The following CNTNAP2 variants were observed in gnomAD, a reference collection of about 807,000 sequenced individuals.
The protein encoded by CNTNAP2 is contactin-associated protein-like 2.
A neutral mutation model predicts 155.2 loss-of-function variants in CNTNAP2; 98 were observed. That is an observed-to-expected ratio of 0.63 (90% confidence interval 0.54 to 0.75). The LOEUF (loss-of-function observed/expected upper bound fraction) is 0.75, where lower values mean the gene tolerates loss of function less well. Among genes scored for constraint, CNTNAP2 ranks in the 30% least tolerant of loss-of-function variants. The probability of loss-of-function intolerance (pLI) is 0.00; values close to 1 mark genes in which losing one functional copy is unlikely to be tolerated. For missense variants in CNTNAP2, 1,727 were observed against 1,688.1 expected (o/e 1.02, Z -0.40); for synonymous variants, 651 against 631.2 (o/e 1.03, Z -0.47).
chr7:146,801,137 G>A (rs1802869572), intron 2 of CNTNAP2, among the ~76,000 whole-genome samples: 1 of 152,132 alleles, frequency 6.6e-6, no homozygotes, highest in Admixed American at 6.5e-5. Context: ...CCTTCATGGA[G>A]GATGAAGGGG....
chr7:146,539,178 G>T (rs373398502), intron 1 of CNTNAP2, among the ~76,000 whole-genome samples: 1 of 152,004 alleles, frequency 6.6e-6, no homozygotes. Context: ...GATTATCAAC[G>T]TATATATCCC....
intron 3 of CNTNAP2, among the ~76,000 whole-genome samples, chr7:146,876,331 A>C (rs1330612300): frequency 2.0e-5 from 3 of 152,050 alleles, no homozygotes; most frequent in African/African-American, 7.2e-5. Context: ...CCTTCTGTGA[A>C]TCAGGTCGGA....
intron 19 of CNTNAP2, among the ~76,000 whole-genome samples, chr7:148,219,576 G>A (rs1301692064): frequency 6.6e-6 from 1 of 152,068 alleles, no homozygotes; most frequent in East Asian, 1.9e-4. Context: ...GCACACTTGT[G>A]GTCTCAGCTG....
chr7:146,484,003 A>G (rs893360256), intron 1 of CNTNAP2, among the ~76,000 whole-genome samples: 7 of 152,212 alleles, frequency 4.6e-5, no homozygotes, highest in African/African-American at 1.2e-4. Flanking sequence ...CTAGTCATGT[A>G]AGCTCCGTTC....
At chr7:147,919,680 G>A (rs1445626193) in intron 14 of CNTNAP2, among the ~76,000 whole-genome samples, 2 of 151,126 alleles carry the variant, frequency 1.3e-5, no homozygotes, top group Non-Finnish European at 2.9e-5. Flanking sequence ...GGATGGTCTC[G>A]ATCTCCTGAA....
chr7:146,589,634 A>G (rs1584995707), intron 1 of CNTNAP2, among the ~76,000 whole-genome samples: 1 of 152,032 alleles, frequency 6.6e-6, no homozygotes, highest in Non-Finnish European at 1.5e-5. Flanking sequence ...GTATTAGGAG[A>G]AATACCTAAT....
At chr7:147,767,694 A>T (rs1797403675) in intron 13 of CNTNAP2, among the ~76,000 whole-genome samples, 2 of 152,172 alleles carry the variant, frequency 1.3e-5, no homozygotes, top group Admixed American at 6.6e-5. Context: ...GGTGAGGCTG[A>T]ATCCATAGTG....
chr7:146,791,090 C>T (rs1036809176), intron 2 of CNTNAP2, among the ~76,000 whole-genome samples: 1 of 151,192 alleles, frequency 6.6e-6, no homozygotes, highest in African/African-American at 2.4e-5. Flanking sequence ...CCCTGACAGG[C>T]CCCAGTGTGT....
chr7:147,111,844 T>C (rs1276734611), intron 5 of CNTNAP2, among the ~76,000 whole-genome samples: 1 of 152,180 alleles, frequency 6.6e-6, no homozygotes, highest in Non-Finnish European at 1.5e-5. Flanking sequence ...GTGTTGGCCA[T>C]TGGACTCTTT....
intron 3 of CNTNAP2, among the ~76,000 whole-genome samples, chr7:146,960,334 G>A (rs1797530794): frequency 6.6e-6 from 1 of 152,068 alleles, no homozygotes; most frequent in African/African-American, 2.4e-5. Flanking sequence ...CTCAGTTTTA[G>A]CATTTCATGA....
At chr7:146,483,274 TAAAA>T (rs1172354064) in intron 1 of CNTNAP2, among the ~76,000 whole-genome samples, 94 of 40,834 alleles carry the variant, frequency 2.3e-3, no homozygotes, top group Middle Eastern at 0.014. Context: ...AGACTCCGTC[TAAAA>T]AAAAATATAT....
At chr7:148,140,024 G>A (rs1805028475) in intron 16 of CNTNAP2, among the ~76,000 whole-genome samples, 5 of 152,262 alleles carry the variant, frequency 3.3e-5, no homozygotes, top group Middle Eastern at 6.8e-3. Flanking sequence ...AGAATTCACT[G>A]AATTCTGCTG....
intron 11 of CNTNAP2, among the ~76,000 whole-genome samples, chr7:147,493,755 G>A (rs1317992814): frequency 1.3e-5 from 2 of 152,118 alleles, no homozygotes; most frequent in Non-Finnish European, 2.9e-5. Context: ...ATGGATACAT[G>A]TAGACACATA....
intron 11 of CNTNAP2, among the ~76,000 whole-genome samples, chr7:147,489,520 AC>A (rs1305812979): frequency 6.6e-6 from 1 of 152,194 alleles, no homozygotes; most frequent in African/African-American, 2.4e-5. Flanking sequence ...ATATCTGAAC[AC>A]CAAACCATGA....
intron 15 of CNTNAP2, among the ~76,000 whole-genome samples, chr7:148,049,955 G>A (rs1802854809): frequency 6.6e-6 from 1 of 152,182 alleles, no homozygotes; most frequent in Non-Finnish European, 1.5e-5. Flanking sequence ...CTGAGGTCAG[G>A]AGGTTGAGAC....
intron 20 of CNTNAP2, among the ~76,000 whole-genome samples, chr7:148,235,447 A>G (rs539391863): frequency 9.1e-4 from 139 of 152,318 alleles, no homozygotes; most frequent in African/African-American, 3.3e-3. Context: ...TTTTCAGAAA[A>G]GGAAAGTTCT....
intron 1 of CNTNAP2, among the ~76,000 whole-genome samples, chr7:146,151,682 G>GTATATATATATATATATATGTA (rs775446723): frequency 1.3e-5 from 1 of 74,124 alleles, no homozygotes; most frequent in Non-Finnish European, 2.8e-5. Context: ...ATATATATAT[G>GTATATATATATATATATATGTA]TATATATATA....
At chr7:146,883,462 G>A (rs1795594211) in intron 3 of CNTNAP2, among the ~76,000 whole-genome samples, 1 of 152,108 alleles carries the variant, frequency 6.6e-6, no homozygotes, top group Non-Finnish European at 1.5e-5. Context: ...ACACATGTGT[G>A]TGCACATGCA....
intron 1 of CNTNAP2, among the ~76,000 whole-genome samples, chr7:146,567,294 T>C (rs1798371699): frequency 6.6e-6 from 1 of 152,216 alleles, no homozygotes; most frequent in South Asian, 2.1e-4. Context: ...TAATATATGT[T>C]GTCCCTTTTT....
Sources: allele counts gnomAD v4.1 joint callset (sites outside exome capture counted in the v4.1 genomes callset), GRCh38; gene constraint gnomAD v4.1.1; transcripts MANE v1.5; gene names NCBI Gene and HGNC (gene_info 2026-07-23, HGNC 2026-07-21).